EFNA5: variants seen among roughly 807,000 people sequenced by gnomAD.
EFNA5 encodes the protein ephrin-A5.
In EFNA5, 5 loss-of-function variants were observed where a neutral mutation model predicts 22.9. The observed-to-expected ratio is 0.22, with a 90% CI of 0.11 to 0.46. The LOEUF is 0.46. Ranked by LOEUF, EFNA5 falls within the 20% of genes least tolerant of loss-of-function variation. The probability of loss-of-function intolerance (pLI) is 0.99; values close to 1 mark genes in which losing one functional copy is unlikely to be tolerated. For missense variants in EFNA5, 237 were observed against 293.3 expected, an observed-to-expected ratio of 0.81 and a Z score of 1.40; for synonymous variants, 113 against 112.2, an observed-to-expected ratio of 1.01 and a Z score of -0.04.
intron 1 of EFNA5, among the ~76,000 whole-genome samples, chr5:107,503,714 T>C (rs1017898559): frequency 9.2e-5 from 14 of 152,222 alleles, no homozygotes; most frequent in Non-Finnish European, 1.6e-4. Flanking sequence ...ATAAGGCTAT[T>C]TGTAACCCAA....
At chr5:107,398,480 T>C (rs1177638609) in intron 2 of EFNA5, among the ~76,000 whole-genome samples, 3 of 152,138 alleles carry the variant, frequency 2.0e-5, no homozygotes, top group Non-Finnish European at 4.4e-5. Flanking sequence ...GGTTCTAGGT[T>C]CTGGGGAGTC....
chr5:107,474,049 T>G (rs778713311), intron 1 of EFNA5, among the ~76,000 whole-genome samples: 1 of 150,920 alleles, frequency 6.6e-6, no homozygotes, highest in African/African-American at 2.5e-5. Flanking sequence ...ACTGATGGCC[T>G]GTGAATCAAT....
At chr5:107,527,943 G>A (rs1160260762) in intron 1 of EFNA5, among the ~76,000 whole-genome samples, 10 of 152,160 alleles carry the variant, frequency 6.6e-5, no homozygotes, top group African/African-American at 2.4e-4. Context: ...AGAAATAGAA[G>A]TTATCCCAAA....
Position 107,467,136 on chromosome 5 carries a change from T to C in EFNA5, c.126-39627A>G, listed in dbSNP as rs139714320. Among the ~76,000 whole-genome samples, 715 of 152,296 alleles carry C rather than the reference T, an allele frequency of 4.7e-3. 5 individuals carry two copies. The highest frequency in any genetic ancestry group is 0.016 in the African/African-American group (674 of 41,566). On this transcript the variant is annotated intron_variant, in intron 1 of 4. Transcript: ENST00000333274. ...AAAGGAATGATTGTAATGGTGGAAT[T>C]TTAGACAACATGCCAAGTGGAGGGG...
chr5:107,479,030 G>A (rs11949501), intron 1 of EFNA5, among the ~76,000 whole-genome samples: 9,007 of 152,102 alleles, frequency 0.059, 313 homozygotes, highest in East Asian at 0.13. Flanking sequence ...TTTTAATTTA[G>A]ATTAAAAAAT....
At chr5:107,389,271 G>T (rs1747721319) in intron 2 of EFNA5, among the ~76,000 whole-genome samples, 1 of 152,156 alleles carries the variant, frequency 6.6e-6, no homozygotes, top group African/African-American at 2.4e-5. Flanking sequence ...GTTATTTAGG[G>T]CACAATATTT....
intron 1 of EFNA5, among the ~76,000 whole-genome samples, chr5:107,575,960 A>G (rs1580538765): frequency 1.3e-5 from 2 of 152,230 alleles, no homozygotes; most frequent in African/African-American, 4.8e-5. Context: ...GGCAGGATTT[A>G]TTTAATTTCT....
At chr5:107,400,371 A>C (rs550615558) in intron 2 of EFNA5, among the ~76,000 whole-genome samples, 1 of 151,592 alleles carries the variant, frequency 6.6e-6, no homozygotes, top group South Asian at 2.1e-4. Flanking sequence ...CCTTCTGTGT[A>C]TCAAAAACTC....
rs533273679 is a variant in EFNA5, at chr5:107,390,615, C to G, written c.419-2844G>C. On this transcript the variant is annotated intron_variant, in intron 2 of 4. Transcript: ENST00000333274. ...AGGTAGGTAGTATTAATCCTTATGG[C>G]TCTAGAGATACATCACTTTGTCATG... 2.0e-5 allele frequency among the ~76,000 whole-genome samples: 3 copies of G among 151,938 alleles called. No homozygotes were observed. In the East Asian group the frequency reaches 5.8e-4, roughly 29 times the overall value.
chr5:107,476,057 T>TATATATATATATATATGTATATATATATA, intron 1 of EFNA5, among the ~76,000 whole-genome samples: 1 of 100,436 alleles, frequency 1.0e-5, no homozygotes, highest in African/African-American at 5.0e-5. Flanking sequence ...TATATATATA[T>TATATATATATATATATGTATATATATATA]TTTTTTTTTT....
chr5:107,624,899 A>C (rs1031079890), intron 1 of EFNA5, among the ~76,000 whole-genome samples: 2 of 152,160 alleles, frequency 1.3e-5, no homozygotes, highest in Admixed American at 6.5e-5. Context: ...TTTTATATAT[A>C]AACATTCATT....
chr5:107,617,664 T>C (rs1246792502), intron 1 of EFNA5, among the ~76,000 whole-genome samples: 3 of 152,196 alleles, frequency 2.0e-5, no homozygotes, highest in African/African-American at 7.2e-5. Context: ...TTAATAACTA[T>C]TAATAATATA....
chr5:107,497,337 T>C (rs979295568), intron 1 of EFNA5, among the ~76,000 whole-genome samples: 1 of 152,214 alleles, frequency 6.6e-6, no homozygotes, highest in Non-Finnish European at 1.5e-5. Context: ...TATGTAACTG[T>C]ATTGGTATAA....
intron 1 of EFNA5, among the ~76,000 whole-genome samples, chr5:107,652,715 GGAT>G (rs1253493617): frequency 6.6e-6 from 1 of 152,054 alleles, no homozygotes; most frequent in Admixed American, 6.6e-5. Context: ...TTCTTTTTAA[GGAT>G]GTTTACTTTT....
intron 1 of EFNA5, among the ~76,000 whole-genome samples, chr5:107,604,525 A>T (rs1749672042): frequency 6.6e-6 from 1 of 152,220 alleles, no homozygotes. Context: ...CTCTACAAGC[A>T]TCTGTCTTTG....
rs150981361 is a variant in EFNA5 at position 107,381,343 on chromosome 5, C to T, written c.599G>A (p.Arg200His). Residue 200 changes from arginine (R) to histidine (H), a missense_variant, in exon 5 of 5, where the codon CGC becomes CAC. Transcript: ENST00000333274. ...DTVHESAEPS[R>H]GENAAQTPRI... ...TGGTGTTTGTGCCGCGTTCTCGCCGCGGGATGGCTCGGCTGACTCATGTAC... is the reference window on the plus strand; with the variant it reads ...TGGTGTTTGTGCCGCGTTCTCGCCGTGGGATGGCTCGGCTGACTCATGTAC... The T allele has an allele frequency of 1.2e-4, 191 of 1,613,818 alleles. 1 individual carries two copies. Among genetic ancestry groups the T allele is most frequent in the Middle Eastern group, 6.6e-4 (4 of 6,074 alleles).
intron 1 of EFNA5, among the ~76,000 whole-genome samples, chr5:107,577,478 G>C (rs567477451): frequency 6.6e-6 from 1 of 152,100 alleles, no homozygotes; most frequent in African/African-American, 2.4e-5. Flanking sequence ...AGATGCAAAA[G>C]GCAGGCCGAA....
chr5:107,502,614 T>C (rs1003969469), intron 1 of EFNA5, among the ~76,000 whole-genome samples: 1 of 152,154 alleles, frequency 6.6e-6, no homozygotes, highest in East Asian at 1.9e-4. Context: ...TACACACACA[T>C]ACATACATAC....
At chr5:107,428,312 T>A (rs1748858974) in intron 1 of EFNA5, among the ~76,000 whole-genome samples, 1 of 152,228 alleles carries the variant, frequency 6.6e-6, no homozygotes, top group African/African-American at 2.4e-5. Context: ...ACAGGTCATG[T>A]TCTAGAGCTG....
Sources: allele counts gnomAD v4.1 joint callset (sites outside exome capture counted in the v4.1 genomes callset), GRCh38; gene constraint gnomAD v4.1.1; transcripts MANE v1.5; gene names NCBI Gene and HGNC (gene_info 2026-07-23, HGNC 2026-07-21).